Variants in PTPRT observed in about 807,000 individuals in gnomAD.
The protein encoded by PTPRT is protein tyrosine phosphatase receptor type T, also known as receptor-type tyrosine-protein phosphatase T.
In PTPRT, 56 loss-of-function variants were observed where a neutral mutation model predicts 176.8. The observed-to-expected ratio is 0.32, with a 90% CI of 0.26 to 0.40. The LOEUF is 0.40. PTPRT is among the 10% of genes least tolerant of loss of function. PTPRT has a pLI of 1.00. For synonymous variants in PTPRT, 783 were observed against 739.0 expected (o/e 1.06, Z -0.96); for missense variants, 1,540 against 1,908.2 (o/e 0.81, Z 3.60).
At chr20:42,857,054 A>C (rs2078576421) in intron 2 of PTPRT, among the ~76,000 whole-genome samples, 1 of 152,202 alleles carries the variant, frequency 6.6e-6, no homozygotes, top group Non-Finnish European at 1.5e-5. Context: ...TTGATGTTTA[A>C]ATTTTGAGAA....
At chr20:42,550,017 A>AT (rs1601245958) in intron 7 of PTPRT, among the ~76,000 whole-genome samples, 1 of 152,282 alleles carries the variant, frequency 6.6e-6, no homozygotes, top group African/African-American at 2.4e-5. Context: ...AGATTTTGTA[A>AT]TTTTTAGGAA....
At chr20:42,427,856 G>T (rs56229045) in intron 9 of PTPRT, among the ~76,000 whole-genome samples, 17,864 of 151,958 alleles carry the variant, frequency 0.12, 1,016 homozygotes, top group Middle Eastern at 0.14. Context: ...CCCTTAAGAA[G>T]GTTCTTTGTA....
At chr20:42,158,020 C>T (rs2146489339) in intron 17 of PTPRT, among the ~76,000 whole-genome samples, 1 of 152,250 alleles carries the variant, frequency 6.6e-6, no homozygotes, top group African/African-American at 2.4e-5. Context: ...CAGCCCCCAG[C>T]CTTGGAGACT....
intron 6 of PTPRT, among the ~76,000 whole-genome samples, chr20:42,743,635 A>T (rs1337147089): frequency 6.6e-6 from 1 of 152,222 alleles, no homozygotes; most frequent in Non-Finnish European, 1.5e-5. Flanking sequence ...TAGCAGGAGA[A>T]TGAAGGCCAC....
At chr20:42,641,581 C>G (rs1230359832) in intron 7 of PTPRT, among the ~76,000 whole-genome samples, 5 of 151,956 alleles carry the variant, frequency 3.3e-5, no homozygotes, top group Non-Finnish European at 7.4e-5. Flanking sequence ...GTCTGTGATC[C>G]ACACAAACAC....
At chr20:42,702,658 G>C (rs2075991476) in intron 6 of PTPRT, among the ~76,000 whole-genome samples, 1 of 152,194 alleles carries the variant, frequency 6.6e-6, no homozygotes, top group Admixed American at 6.5e-5. Context: ...CCCATGGAAA[G>C]TATTGTAAAG....
intron 1 of PTPRT, among the ~76,000 whole-genome samples, chr20:43,172,409 A>G (rs1293203249): frequency 6.6e-6 from 1 of 152,206 alleles, no homozygotes; most frequent in African/African-American, 2.4e-5. Context: ...GATCACTCTA[A>G]ATACAGCTTG....
At chr20:42,609,144 G>C (rs1429966313) in intron 7 of PTPRT, among the ~76,000 whole-genome samples, 2 of 152,010 alleles carry the variant, frequency 1.3e-5, no homozygotes, top group Non-Finnish European at 2.9e-5. Context: ...CGTGATCTTG[G>C]CTCACTGCAA....
intron 2 of PTPRT, among the ~76,000 whole-genome samples, chr20:42,828,446 G>A (rs1413078961): frequency 2.0e-5 from 3 of 152,186 alleles, no homozygotes; most frequent in East Asian, 1.9e-4. Context: ...AGAAATCCAA[G>A]CCTGCTGCAG....
chr20:42,193,621 T>C (rs1050317343), intron 16 of PTPRT, among the ~76,000 whole-genome samples: 2 of 152,228 alleles, frequency 1.3e-5, no homozygotes, highest in African/African-American at 4.8e-5. Context: ...AGGAATAATA[T>C]CTAATGATAG....
At position 42,200,079 on chromosome 20, in the gene PTPRT, C is replaced by T. The variant is rs1259466088; in HGVS notation, c.2343-691G>A. 2.6e-5 allele frequency among the ~76,000 whole-genome samples: 4 copies of T among 151,880 alleles called. No individual in the cohort carries two copies. The East Asian group carries it at 5.8e-4, about 22-fold the overall frequency. ...AAAAAAATACACACACACACACACA[C>T]ACAGAGGCTCAGGATCATTGAAGTA... is the stretch of plus-strand genomic sequence containing the variant. On this transcript the variant is annotated intron_variant, in intron 15 of 30. Coordinates refer to ENST00000373187, the MANE Select transcript of PTPRT (RefSeq NM_007050.6).
intron 9 of PTPRT, among the ~76,000 whole-genome samples, chr20:42,376,137 C>T (rs185449164): frequency 1.8e-4 from 27 of 152,204 alleles, no homozygotes; most frequent in South Asian, 1.7e-3. Context: ...CTGTGATGAA[C>T]GGGACTAAAA....
At chr20:42,477,814 T>C (rs1232684573) in intron 7 of PTPRT, among the ~76,000 whole-genome samples, 1 of 152,162 alleles carries the variant, frequency 6.6e-6, no homozygotes, top group Non-Finnish European at 1.5e-5. Flanking sequence ...AAAATCAAAG[T>C]GGCTCTACCT....
intron 13 of PTPRT, among the ~76,000 whole-genome samples, chr20:42,252,026 G>A (rs549391140): frequency 1.3e-5 from 2 of 152,172 alleles, no homozygotes; most frequent in African/African-American, 4.8e-5. Flanking sequence ...AGTTGCTTAG[G>A]CTCAGGTGAT....
chr20:43,120,669 G>T (rs1399646250), intron 1 of PTPRT, among the ~76,000 whole-genome samples: 1 of 152,182 alleles, frequency 6.6e-6, no homozygotes, highest in Non-Finnish European at 1.5e-5. Flanking sequence ...ACGTGTGTGT[G>T]TCCATAGATC....
At chr20:42,210,610 G>T (rs1409258349) in intron 15 of PTPRT, among the ~76,000 whole-genome samples, 1 of 151,104 alleles carries the variant, frequency 6.6e-6, no homozygotes, top group Non-Finnish European at 1.5e-5. Flanking sequence ...ACCTCTTCAA[G>T]GAGAACTACA....
At chr20:42,766,933 G>T (rs1314571767) in intron 5 of PTPRT, among the ~76,000 whole-genome samples, 3 of 152,154 alleles carry the variant, frequency 2.0e-5, no homozygotes, top group Non-Finnish European at 4.4e-5. Context: ...TGGCCATGAT[G>T]GGCCTGTTTC....
the PTPRT span, among the ~76,000 whole-genome samples, chr20:42,055,757 A>C: frequency 6.6e-6 from 1 of 152,166 alleles, no homozygotes; most frequent in Non-Finnish European, 1.5e-5. Context: ...AGAAAGAAAA[A>C]AGCAAGGTTC....
At chr20:42,624,226 T>C (rs1464727894) in intron 7 of PTPRT, among the ~76,000 whole-genome samples, 1 of 152,164 alleles carries the variant, frequency 6.6e-6, no homozygotes, top group Admixed American at 6.5e-5. Flanking sequence ...GGCTTGCCAT[T>C]ATCCATTCTG....
Sources: allele counts gnomAD v4.1 joint callset (sites outside exome capture counted in the v4.1 genomes callset), GRCh38; gene constraint gnomAD v4.1.1; transcripts MANE v1.5; gene names NCBI Gene and HGNC (gene_info 2026-07-23, HGNC 2026-07-21).